The following ZFPM2 variants were observed in gnomAD, a reference collection of about 807,000 sequenced individuals.
The protein encoded by ZFPM2 is zinc finger protein ZFPM2.
Under a neutral mutation model 98.6 loss-of-function variants are expected in ZFPM2, and 20 were observed. The ratio of observed to expected loss-of-function variants is 0.20; its 90% CI spans 0.14 to 0.29. The LOEUF (loss-of-function observed/expected upper bound fraction) is 0.29, where lower values mean the gene tolerates loss of function less well. Ranked by LOEUF, ZFPM2 falls within the 10% of genes least tolerant of loss-of-function variation. ZFPM2 has a pLI of 1.00. For missense variants in ZFPM2, 1,310 were observed against 1,388.6 expected (o/e 0.94, Z 0.90); for synonymous variants, 518 against 502.7 (o/e 1.03, Z -0.41).
chr8:105,357,562 AT>A (rs1812771651), intron 1 of ZFPM2, among the ~76,000 whole-genome samples: 1 of 152,218 alleles, frequency 6.6e-6, no homozygotes, highest in South Asian at 2.1e-4. Context: ...ATTGGGAGAC[AT>A]TATTGAATAT....
intron 2 of ZFPM2, among the ~76,000 whole-genome samples, chr8:105,435,808 AAT>A (rs1429175920): frequency 6.6e-6 from 1 of 152,086 alleles, no homozygotes; most frequent in African/African-American, 2.4e-5. Flanking sequence ...TGAGAAAAAA[AAT>A]AGTTTCCTAA....
intron 1 of ZFPM2, among the ~76,000 whole-genome samples, chr8:105,368,317 G>A (rs1437729424): frequency 6.6e-6 from 1 of 152,066 alleles, no homozygotes; most frequent in Non-Finnish European, 1.5e-5. Context: ...GTACCACAAG[G>A]AGAATTCTTT....
chr8:105,660,288 A>G (rs16873456), intron 5 of ZFPM2, among the ~76,000 whole-genome samples: 1 of 152,062 alleles, frequency 6.6e-6, no homozygotes, highest in South Asian at 2.1e-4. Flanking sequence ...CCAGAGGGGA[A>G]AACCTTCCTG....
chr8:105,482,890 CTT>C (rs1813148770), intron 3 of ZFPM2, among the ~76,000 whole-genome samples: 1 of 146,456 alleles, frequency 6.8e-6, no homozygotes. Context: ...TCCTTCCTTC[CTT>C]CCTTCCTTCT....
At chr8:105,509,993 C>T (rs1465572117) in intron 3 of ZFPM2, among the ~76,000 whole-genome samples, 5 of 151,698 alleles carry the variant, frequency 3.3e-5, no homozygotes, top group Admixed American at 6.6e-5. Flanking sequence ...TCTTGTATGT[C>T]GTGGTCATCT....
At chr8:105,644,884 A>G (rs1017627123) in intron 5 of ZFPM2, among the ~76,000 whole-genome samples, 4 of 152,086 alleles carry the variant, frequency 2.6e-5, no homozygotes, top group African/African-American at 9.7e-5. Context: ...CAAAAGCCTT[A>G]CCTCCTAATG....
intron 2 of ZFPM2, among the ~76,000 whole-genome samples, chr8:105,443,566 T>C (rs1476995788): frequency 6.6e-6 from 1 of 152,124 alleles, no homozygotes; most frequent in Admixed American, 6.5e-5. Context: ...ACTTTTTGCT[T>C]TTAAAATATG....
intron 4 of ZFPM2, among the ~76,000 whole-genome samples, chr8:105,615,701 A>G (rs545284799): frequency 3.1e-4 from 47 of 152,256 alleles, no homozygotes; most frequent in African/African-American, 1.1e-3. Context: ...AGTACATGAA[A>G]ACTTAGAGTC....
chr8:105,645,083 A>G (rs577990089), intron 5 of ZFPM2, among the ~76,000 whole-genome samples: 3 of 152,166 alleles, frequency 2.0e-5, no homozygotes, highest in African/African-American at 7.2e-5. Flanking sequence ...TCTGTTTTTT[A>G]AACAGTGCAT....
At position 105,393,706 on chromosome 8, in the gene ZFPM2, A is replaced by T. The variant is rs116133078; in HGVS notation, c.41-25438A>T. Among the ~76,000 whole-genome samples, 409 of 152,172 alleles carry T rather than the reference A, an allele frequency of 2.7e-3. 4 individuals are homozygous for T. Among genetic ancestry groups the T allele is most frequent in the African/African-American group, 9.6e-3 (398 of 41,528 alleles). On this transcript the variant is annotated intron_variant, in intron 1 of 7. Coordinates refer to ENST00000407775, the MANE Select transcript of ZFPM2 (RefSeq NM_012082.4). ...ATATTTCGGTGAGATTTTTGACTGC[A>T]TGTGTTTATTTACCAGAGAGTTTGA...
chr8:105,416,225 A>C (rs1811677112), intron 1 of ZFPM2, among the ~76,000 whole-genome samples: 1 of 151,734 alleles, frequency 6.6e-6, no homozygotes, highest in Non-Finnish European at 1.5e-5. Context: ...CTTTATGTGT[A>C]CATTTTTCTT....
chr8:105,330,611 CACATATATATATATATATATACAT>C lies in ZFPM2; in HGVS notation c.40+11632_40+11655del, dbSNP rs1345311575. 9.0e-3 allele frequency among the ~76,000 whole-genome samples: 685 copies of C among 76,158 alleles called. 8 individuals carry two copies. The highest frequency in any genetic ancestry group is 0.038 in the African/African-American group (540 of 14,084). The allele number at this position is 76,158 out of a possible 152,430, so 50.0% of individuals were successfully genotyped here. Reference sequence around the variant, plus strand: ...ATATATATACATATATATATATATACACATATATATATATATATATACATATATATATATATATTTTTCAGGAAT... The same window carrying C: ...ATATATATACATATATATATATATACATATATATATATATTTTTCAGGAAT... On this transcript the variant is annotated intron_variant, in intron 1 of 7. Transcript: ENST00000407775.
chr8:105,336,044 G>C (rs1255540342), intron 1 of ZFPM2, among the ~76,000 whole-genome samples: 1 of 151,786 alleles, frequency 6.6e-6, no homozygotes, highest in Non-Finnish European at 1.5e-5. Context: ...CATTTGAATG[G>C]ATGTACGGCA....
intron 5 of ZFPM2, among the ~76,000 whole-genome samples, chr8:105,716,348 C>T (rs1811522956): frequency 6.6e-6 from 1 of 151,450 alleles, no homozygotes. Flanking sequence ...TTAGACATTG[C>T]ATATGAATGT....
intron 4 of ZFPM2, among the ~76,000 whole-genome samples, chr8:105,594,903 G>A (rs1815935794): frequency 1.3e-5 from 2 of 152,126 alleles, no homozygotes; most frequent in African/African-American, 4.8e-5. Flanking sequence ...AGTCCAATGA[G>A]AGAATCAGAT....
In ZFPM2 at chr8:105,801,399, C is replaced by G. The variant is rs1259544433; in HGVS notation, c.1317C>G (p.Asp439Glu). The G allele has an allele frequency of 6.2e-7, 1 of 1,613,844 alleles. No individual in the cohort carries two copies. The highest frequency in any genetic ancestry group is 1.1e-5 in the South Asian group (1 of 91,064). The change falls in exon 8 of 8, where the codon GAC (aspartate) becomes GAG (glutamate). Residue 439 changes from aspartate (D) to glutamate (E), a missense_variant. Physicochemically the swap from Asp to Glu is conservative, Grantham distance 45. Coordinates refer to ENST00000407775, the MANE Select transcript of ZFPM2 (RefSeq NM_012082.4). ...TKDASSDTEL[D>E]KCEKKTQLFL... ...ATGCGAGCTCTGACACAGAGCTGGA[C>G]AAGTGTGAGAAAAAGACTCAGCTCT...
intron 5 of ZFPM2, among the ~76,000 whole-genome samples, chr8:105,732,854 C>A (rs1323745388): frequency 5.9e-5 from 9 of 151,774 alleles, no homozygotes; most frequent in African/African-American, 1.9e-4. Context: ...AATTAACTTT[C>A]AGCTTGCACG....
At chr8:105,590,806 T>C (rs1815826488) in intron 4 of ZFPM2, among the ~76,000 whole-genome samples, 1 of 152,166 alleles carries the variant, frequency 6.6e-6, no homozygotes, top group South Asian at 2.1e-4. Flanking sequence ...GAAGTGTAGC[T>C]GACTTTACCA....
At chr8:105,695,812 GTTAA>G (rs892787260) in intron 5 of ZFPM2, among the ~76,000 whole-genome samples, 16 of 143,758 alleles carry the variant, frequency 1.1e-4, no homozygotes, top group African/African-American at 3.2e-4. Context: ...ATTGGACTTA[GTTAA>G]TTTTTCATTT....
Sources: allele counts gnomAD v4.1 joint callset (sites outside exome capture counted in the v4.1 genomes callset), GRCh38; gene constraint gnomAD v4.1.1; transcripts MANE v1.5; gene names NCBI Gene and HGNC (gene_info 2026-07-23, HGNC 2026-07-21).